Variants in VSNL1 observed in about 807,000 individuals in gnomAD.
VSNL1 encodes visinin-like protein 1.
Under a neutral mutation model 20.4 loss-of-function variants are expected in VSNL1, and 6 were observed. The observed-to-expected ratio is 0.29, with a 90% CI of 0.16 to 0.58. The LOEUF is 0.58. VSNL1 is among the 20% of genes least tolerant of loss of function. The probability of loss-of-function intolerance (pLI) is 0.90; values close to 1 mark genes in which losing one functional copy is unlikely to be tolerated. For missense variants in VSNL1, 100 were observed against 234.5 expected (o/e 0.43, Z 3.75); for synonymous variants, 93 against 86.4 (o/e 1.08, Z -0.42).
chr2:17,550,130 T>A (rs960516392), intron 1 of VSNL1, among the ~76,000 whole-genome samples: 1 of 152,214 alleles, frequency 6.6e-6, no homozygotes, highest in Non-Finnish European at 1.5e-5. Context: ...AATTTATTGT[T>A]CATATCATTC....
chr2:17,578,244 C>T (rs1664263614), intron 1 of VSNL1, among the ~76,000 whole-genome samples: 1 of 152,192 alleles, frequency 6.6e-6, no homozygotes, highest in East Asian at 1.9e-4. Context: ...AATGAGAAGG[C>T]CCGGGTCTTT....
At chr2:17,568,018 TA>T (rs1214167954) in intron 1 of VSNL1, among the ~76,000 whole-genome samples, 1 of 152,156 alleles carries the variant, frequency 6.6e-6, no homozygotes, top group Non-Finnish European at 1.5e-5. Flanking sequence ...GATGATTCCT[TA>T]CAAATGGCAT....
At position 17,616,577 on chromosome 2, in the gene VSNL1, T is replaced by C. The variant is rs1390095446; in HGVS notation, c.162+24341T>C. On this transcript the variant is annotated intron_variant, in intron 2 of 3. Transcript: ENST00000295156. ...GATGGAGGGAAATGAATTTGCTTCC[T>C]AAACAGCCAAGCTTGGCCACCCACA... Among the ~76,000 whole-genome samples, 3 of 152,360 alleles carry C rather than the reference T, an allele frequency of 2.0e-5. No homozygotes were observed. In the East Asian group the frequency reaches 5.8e-4, roughly 29 times the overall value.
chr2:17,576,436 A>C (rs1372372753), intron 1 of VSNL1, among the ~76,000 whole-genome samples: 1 of 152,200 alleles, frequency 6.6e-6, no homozygotes, highest in African/African-American at 2.4e-5. Flanking sequence ...CCTGGAATCA[A>C]AAGTTTATAT....
intron 2 of VSNL1, among the ~76,000 whole-genome samples, chr2:17,625,781 A>G (rs1665495858): frequency 1.3e-5 from 2 of 151,906 alleles, no homozygotes; most frequent in Admixed American, 6.6e-5. Flanking sequence ...ATATAGAGAA[A>G]AGGGAATTTC....
intron 1 of VSNL1, among the ~76,000 whole-genome samples, chr2:17,570,326 T>C (rs1228226106): frequency 6.6e-6 from 1 of 152,214 alleles, no homozygotes; most frequent in Non-Finnish European, 1.5e-5. Flanking sequence ...AATCACTTAT[T>C]AGGGCTACAC....
At chr2:17,564,416 G>A (rs1481438459) in intron 1 of VSNL1, among the ~76,000 whole-genome samples, 1 of 152,150 alleles carries the variant, frequency 6.6e-6, no homozygotes, top group Non-Finnish European at 1.5e-5. Flanking sequence ...TCATTAGGCT[G>A]TTCAGAGTGG....
At chr2:17,625,160 CAG>C (rs1665480643) in intron 2 of VSNL1, among the ~76,000 whole-genome samples, 1 of 152,204 alleles carries the variant, frequency 6.6e-6, no homozygotes, top group Non-Finnish European at 1.5e-5. Context: ...CCATGTAAGA[CAG>C]GACTTGTTCC....
intron 2 of VSNL1, among the ~76,000 whole-genome samples, chr2:17,601,301 C>T (rs1309406005): frequency 6.6e-6 from 1 of 152,188 alleles, no homozygotes; most frequent in Non-Finnish European, 1.5e-5. Flanking sequence ...TTCTCTGCAG[C>T]AGATTGCTCA....
chr2:17,647,190 T>C (rs1222191835), intron 2 of VSNL1, among the ~76,000 whole-genome samples: 2 of 152,228 alleles, frequency 1.3e-5, no homozygotes, highest in Non-Finnish European at 2.9e-5. Flanking sequence ...GCCCAGTTAT[T>C]TTTAGATAAA....
chr2:17,584,123 T>C (rs1313484882), intron 1 of VSNL1, among the ~76,000 whole-genome samples: 5 of 152,186 alleles, frequency 3.3e-5, no homozygotes, highest in Non-Finnish European at 7.3e-5. Flanking sequence ...ACGCACCTTG[T>C]ATTAAGCAGG....
intron 1 of VSNL1, among the ~76,000 whole-genome samples, chr2:17,562,821 C>T (rs574862708): frequency 2.0e-5 from 3 of 152,274 alleles, no homozygotes; most frequent in South Asian, 2.1e-4. Flanking sequence ...TTTAGCTTTG[C>T]GTTCACTATT....
At position 17,655,044 on chromosome 2, in the gene VSNL1, A is replaced by T. The variant is rs1437611755; in HGVS notation, c.379-153A>T. Among the ~76,000 whole-genome samples, 1 of 152,232 alleles carries T rather than the reference A, an allele frequency of 6.6e-6. No homozygotes were observed. Among genetic ancestry groups the T allele is most frequent in the Non-Finnish European group, 1.5e-5 (1 of 68,042 alleles). ...GGGGAAATGGTATGGGTTGTCACAGAAACTTGCAGCACAAGGAGTGAAACT... is the reference window on the plus strand; with the variant it reads ...GGGGAAATGGTATGGGTTGTCACAGTAACTTGCAGCACAAGGAGTGAAACT... On this transcript the variant is annotated intron_variant, in intron 3 of 3. Coordinates refer to ENST00000295156, the MANE Select transcript of VSNL1 (RefSeq NM_003385.5). This position sits in a 1 kb window ranked among gnomAD's most constrained non-coding sequence, Gnocchi z 5.2.
At chr2:17,565,476 T>C (rs1663915048) in intron 1 of VSNL1, among the ~76,000 whole-genome samples, 2 of 152,180 alleles carry the variant, frequency 1.3e-5, no homozygotes, top group Admixed American at 6.5e-5. Flanking sequence ...TATGTAGATC[T>C]ATACAGTATC....
chr2:17,576,746 T>C (rs1350160415), intron 1 of VSNL1, among the ~76,000 whole-genome samples: 2 of 152,236 alleles, frequency 1.3e-5, no homozygotes, highest in African/African-American at 4.8e-5. Flanking sequence ...TCTTATCTTT[T>C]ATAGTTTCTG....
At chr2:17,633,884 G>A (rs1665693115) in intron 2 of VSNL1, among the ~76,000 whole-genome samples, 1 of 152,182 alleles carries the variant, frequency 6.6e-6, no homozygotes, top group Non-Finnish European at 1.5e-5. Flanking sequence ...CCCTTGAGCT[G>A]AGTGATAAAG....
chr2:17,598,142 G>A (rs987644068), intron 2 of VSNL1, among the ~76,000 whole-genome samples: 59 of 152,272 alleles, frequency 3.9e-4, no homozygotes, highest in African/African-American at 1.3e-3. Context: ...TCTCTGTGTG[G>A]TTTTAGAATT....
At chr2:17,608,558 G>A (rs1193357091) in intron 2 of VSNL1, among the ~76,000 whole-genome samples, 1 of 152,152 alleles carries the variant, frequency 6.6e-6, no homozygotes, top group Non-Finnish European at 1.5e-5. Context: ...GTATCCTGGG[G>A]GTGAACAGAG....
intron 1 of VSNL1, among the ~76,000 whole-genome samples, chr2:17,582,828 G>T (rs749441084): frequency 2.6e-5 from 4 of 151,476 alleles, no homozygotes; most frequent in Non-Finnish European, 5.9e-5. Context: ...TTTTCTTTAG[G>T]ACCTCCCCTA....
Sources: gnomAD v4.1 joint callset for allele counts (sites outside exome capture counted in the v4.1 genomes callset) on GRCh38, gnomAD v4.1.1 for gene constraint, Gnocchi (gnomAD v3.1) non-coding constraint, MANE v1.5 for transcripts, NCBI Gene and HGNC (gene_info 2026-07-23, HGNC 2026-07-21) for gene names.